Variants in FCHO2 observed in about 807,000 individuals in gnomAD.
FCHO2 encodes the protein F-BAR domain only protein 2.
FCHO2 carries 43 observed loss-of-function variants against 114.1 expected under a neutral mutation model. The observed-to-expected ratio is 0.38, with a 90% CI of 0.30 to 0.49. FCHO2 has a LOEUF of 0.49. FCHO2 is among the 20% of genes least tolerant of loss of function. FCHO2 has a pLI of 0.97. For synonymous variants in FCHO2, 293 were observed against 315.2 expected, an observed-to-expected ratio of 0.93 and a Z score of 0.75; for missense variants, 807 against 950.4, an observed-to-expected ratio of 0.85 and a Z score of 1.98.
Position 73,058,444 on chromosome 5 carries a change from G to A in FCHO2, c.1265G>A (p.Ser422Asn), listed in dbSNP as rs779768097. 1 of 1,560,854 alleles carries A rather than the reference G, an allele frequency of 6.4e-7. No homozygotes were observed. The highest frequency in any genetic ancestry group is 8.7e-7 in the Non-Finnish European group (1 of 1,151,962). The change falls in exon 17 of 26, where the codon AGT becomes AAT. Residue 422 changes from serine (S) to asparagine (N), a missense_variant. Coordinates refer to ENST00000430046, the MANE Select transcript of FCHO2 (RefSeq NM_138782.3). ...PSAPPNEKGT[S>N]DLLAWDPLFG... ...AAATATTATGGTAGAAAAGGAACCA[G>A]TGATTTACTTGCTTGGGACCCCCTA...
At chr5:73,040,003 T>C (rs1164832092) in intron 10 of FCHO2, among the ~76,000 whole-genome samples, 1 of 152,044 alleles carries the variant, frequency 6.6e-6, no homozygotes, top group Admixed American at 6.6e-5. Context: ...CCTGTCTCTT[T>C]GGTACTTCGT....
intron 2 of FCHO2, among the ~76,000 whole-genome samples, chr5:72,984,849 T>C (rs1443870257): frequency 6.6e-6 from 1 of 152,112 alleles, no homozygotes; most frequent in Non-Finnish European, 1.5e-5. Context: ...TTGCCCAGGC[T>C]GGTCTCAAAC....
At chr5:73,005,640 A>G (rs1754677628) in intron 5 of FCHO2, among the ~76,000 whole-genome samples, 1 of 152,068 alleles carries the variant, frequency 6.6e-6, no homozygotes, top group Non-Finnish European at 1.5e-5. Flanking sequence ...AAGCTTCTTG[A>G]TAGCTGTGTA....
chr5:72,962,841 C>T (rs900571569), intron 1 of FCHO2, among the ~76,000 whole-genome samples: 1 of 151,356 alleles, frequency 6.6e-6, no homozygotes, highest in East Asian at 1.9e-4. Flanking sequence ...TGTAGTGAGC[C>T]GAGATCACGC....
At chr5:73,033,231 A>G (rs1367238303) in intron 8 of FCHO2, among the ~76,000 whole-genome samples, 1 of 152,040 alleles carries the variant, frequency 6.6e-6, no homozygotes, top group Non-Finnish European at 1.5e-5. Flanking sequence ...GTCCTTGTTC[A>G]TATTTAGAAG....
chr5:73,032,830 CT>C (rs539045504), intron 8 of FCHO2, among the ~76,000 whole-genome samples: 5 of 151,988 alleles, frequency 3.3e-5, no homozygotes, highest in Non-Finnish European at 7.4e-5. Context: ...GCCTGATTGC[CT>C]TTTTTTGGTA....
At chr5:73,021,857 T>C (rs1755644900) in intron 8 of FCHO2, among the ~76,000 whole-genome samples, 1 of 152,246 alleles carries the variant, frequency 6.6e-6, no homozygotes, top group Non-Finnish European at 1.5e-5. Context: ...AAGTGAATGC[T>C]AAATAATTAT....
chr5:73,059,516 T>G (rs895709356), intron 17 of FCHO2, among the ~76,000 whole-genome samples: 13 of 152,100 alleles, frequency 8.5e-5, no homozygotes, highest in Non-Finnish European at 2.9e-5. Flanking sequence ...TTTGGCAGAT[T>G]AACAGCAACA....
intron 2 of FCHO2, among the ~76,000 whole-genome samples, chr5:72,982,136 C>G (rs1753246608): frequency 6.6e-6 from 1 of 152,134 alleles, no homozygotes; most frequent in Non-Finnish European, 1.5e-5. Context: ...ACAGCACAGT[C>G]CCTCATGCCT....
At chr5:72,958,275 G>A (rs142383835) in intron 1 of FCHO2, among the ~76,000 whole-genome samples, 68 of 151,754 alleles carry the variant, frequency 4.5e-4, no homozygotes, top group Non-Finnish European at 7.9e-4. Flanking sequence ...CAAAAATTAC[G>A]CCTTTTTTCT....
intron 2 of FCHO2, among the ~76,000 whole-genome samples, chr5:72,974,207 T>C (rs917279888): frequency 1.2e-4 from 18 of 144,930 alleles, no homozygotes; most frequent in Non-Finnish European, 2.2e-4. Context: ...GTTCTGTAGA[T>C]GTCTATTAGG....
intron 2 of FCHO2, among the ~76,000 whole-genome samples, chr5:72,980,191 A>T (rs1463678804): frequency 6.6e-6 from 1 of 152,018 alleles, no homozygotes; most frequent in East Asian, 1.9e-4. Context: ...TTCTGCCTTC[A>T]TTTCGTTATG....
intron 5 of FCHO2, chr5:72,997,752 GC>G: frequency 7.2e-7 from 1 of 1,396,390 alleles, no homozygotes; most frequent in Non-Finnish European, 9.5e-7. Context: ...GGCAGGGTCT[GC>G]CCCTCCAACC....
chr5:72,970,498 A>G (rs977896032), intron 2 of FCHO2, among the ~76,000 whole-genome samples: 2 of 150,890 alleles, frequency 1.3e-5, no homozygotes, highest in Non-Finnish European at 2.9e-5. Flanking sequence ...TTAGAACTTT[A>G]ATTTCCATTC....
intron 2 of FCHO2, among the ~76,000 whole-genome samples, 173 bp downstream of exon 2, chr5:72,968,762 T>C (rs1462950881): frequency 6.6e-6 from 1 of 152,198 alleles, no homozygotes; most frequent in Non-Finnish European, 1.5e-5. Context: ...CTGAGGGCTG[T>C]ATAGTGGCTC....
At chr5:73,084,788 C>G (rs1743239760) in intron 24 of FCHO2, among the ~76,000 whole-genome samples, 1 of 152,124 alleles carries the variant, frequency 6.6e-6, no homozygotes, top group Non-Finnish European at 1.5e-5. Context: ...GTGAAATAAC[C>G]AAGCAAATCT....
intron 1 of FCHO2, among the ~76,000 whole-genome samples, chr5:72,959,318 G>A (rs1169329155): frequency 6.6e-6 from 1 of 152,116 alleles, no homozygotes; most frequent in Non-Finnish European, 1.5e-5. Context: ...ACCAGCCTGG[G>A]CAACACAGTA....
intron 2 of FCHO2, among the ~76,000 whole-genome samples, chr5:72,987,526 C>T (rs1007767620): frequency 9.9e-5 from 15 of 151,764 alleles, no homozygotes; most frequent in East Asian, 9.8e-4. Flanking sequence ...TTAGTACAGA[C>T]GGGGTTTCAC....
At chr5:73,037,541 A>G (rs887301490) in intron 10 of FCHO2, among the ~76,000 whole-genome samples, 1 of 152,154 alleles carries the variant, frequency 6.6e-6, no homozygotes, top group African/African-American at 2.4e-5. Flanking sequence ...AAAACTAAAA[A>G]TTCATCAAAG....
Sources: gnomAD v4.1 joint callset for allele counts (sites outside exome capture counted in the v4.1 genomes callset) on GRCh38, gnomAD v4.1.1 for gene constraint, MANE v1.5 for transcripts, NCBI Gene and HGNC (gene_info 2026-07-23, HGNC 2026-07-21) for gene names.